The following LRRC4C variants were observed in gnomAD, a reference collection of about 807,000 sequenced individuals.
LRRC4C encodes the protein leucine rich repeat containing 4C, also known as leucine-rich repeat-containing protein 4C.
In LRRC4C, 5 loss-of-function variants were observed where a neutral mutation model predicts 33.6. The ratio of observed to expected loss-of-function variants is 0.15; its 90% CI spans 0.08 to 0.31. The LOEUF (loss-of-function observed/expected upper bound fraction) is 0.31, where lower values mean the gene tolerates loss of function less well. LRRC4C is among the 10% of genes least tolerant of loss of function. The pLI is 1.00. For missense variants in LRRC4C, 560 were observed against 796.7 expected (o/e 0.70, Z 3.58); for synonymous variants, 329 against 302.0 (o/e 1.09, Z -0.93).
intron 3 of LRRC4C, among the ~76,000 whole-genome samples, chr11:40,580,992 T>A (rs2135643476): frequency 6.6e-6 from 1 of 152,392 alleles, no homozygotes; most frequent in East Asian, 1.9e-4. Flanking sequence ...AGGGTTCCAG[T>A]GAATAATTGC....
At chr11:41,423,350 C>T (rs1954935296) in intron 1 of LRRC4C, among the ~76,000 whole-genome samples, 1 of 152,018 alleles carries the variant, frequency 6.6e-6, no homozygotes, top group South Asian at 2.1e-4. Context: ...AAAACTTGAA[C>T]TTTATTCTGT....
chr11:40,917,981 A>G (rs990513031), intron 2 of LRRC4C, among the ~76,000 whole-genome samples: 1 of 152,268 alleles, frequency 6.6e-6, no homozygotes, highest in South Asian at 2.1e-4. Context: ...CATAGCAGCA[A>G]GGTATTATGC....
At chr11:41,322,350 A>G (rs1394553995) in intron 1 of LRRC4C, among the ~76,000 whole-genome samples, 1 of 151,632 alleles carries the variant, frequency 6.6e-6, no homozygotes, top group East Asian at 1.9e-4. Flanking sequence ...GTATAGGTTT[A>G]CCCTCTGCAA....
intron 2 of LRRC4C, among the ~76,000 whole-genome samples, chr11:40,765,258 AT>A (rs1331027450): frequency 6.6e-6 from 1 of 152,112 alleles, no homozygotes; most frequent in African/African-American, 2.4e-5. Context: ...ATTGTGAGTT[AT>A]CACAAGTTGT....
chr11:40,417,317 A>G (rs184876946), intron 3 of LRRC4C, among the ~76,000 whole-genome samples: 225 of 127,446 alleles, frequency 1.8e-3, no homozygotes, highest in African/African-American at 5.7e-3. Flanking sequence ...TATGAGAGAC[A>G]TGATTTTTTT....
chr11:40,178,195 A>G (rs1860676082), intron 5 of LRRC4C, among the ~76,000 whole-genome samples: 1 of 152,218 alleles, frequency 6.6e-6, no homozygotes, highest in South Asian at 2.1e-4. Flanking sequence ...AAAGAGAAAT[A>G]AAGCGAGCTT....
intron 6 of LRRC4C, among the ~76,000 whole-genome samples, chr11:40,119,494 G>A (rs1380751732): frequency 6.6e-6 from 1 of 152,012 alleles, no homozygotes; most frequent in East Asian, 1.9e-4. Context: ...TCAGCCTGTG[G>A]ACTCTGTGAG....
intron 1 of LRRC4C, among the ~76,000 whole-genome samples, chr11:40,962,541 C>T (rs1439094266): frequency 2.0e-5 from 3 of 151,644 alleles, no homozygotes; most frequent in African/African-American, 7.3e-5. Context: ...AACTTAAATA[C>T]GGATAAAATC....
At chr11:40,588,443 A>G (rs1958868791) in intron 3 of LRRC4C, among the ~76,000 whole-genome samples, 1 of 151,630 alleles carries the variant, frequency 6.6e-6, no homozygotes, top group Non-Finnish European at 1.5e-5. Context: ...GGATTCATTA[A>G]TTTTTTGAAG....
intron 1 of LRRC4C, among the ~76,000 whole-genome samples, chr11:41,450,425 T>C (rs530130490): frequency 3.3e-5 from 5 of 152,216 alleles, no homozygotes; most frequent in South Asian, 4.1e-4. Context: ...TAAAAGGTAA[T>C]AGAAAAAAGT....
intron 3 of LRRC4C, among the ~76,000 whole-genome samples, chr11:40,550,275 A>G (rs1469240989): frequency 1.3e-5 from 2 of 152,088 alleles, no homozygotes; most frequent in Non-Finnish European, 2.9e-5. Context: ...TCTCCCTTAA[A>G]TGGTATCCTT....
At chr11:40,481,041 T>C (rs1399787586) in intron 3 of LRRC4C, among the ~76,000 whole-genome samples, 2 of 150,454 alleles carry the variant, frequency 1.3e-5, no homozygotes, top group South Asian at 2.1e-4. Flanking sequence ...CACTATATTA[T>C]AGAAATAAAA....
chr11:41,362,470 G>T (rs1952389685), intron 1 of LRRC4C, among the ~76,000 whole-genome samples: 1 of 152,062 alleles, frequency 6.6e-6, no homozygotes, highest in African/African-American at 2.4e-5. Flanking sequence ...TCTTTTTGAT[G>T]ATACCTAACA....
At chr11:41,014,532 T>G (rs117725929) in intron 1 of LRRC4C, among the ~76,000 whole-genome samples, 1,627 of 151,754 alleles carry the variant, frequency 0.011, 23 homozygotes, top group Non-Finnish European at 0.014. Flanking sequence ...AGGTTTTTAT[T>G]GGATACCATG....
At chr11:41,320,845 T>G (rs1399180027) in intron 1 of LRRC4C, among the ~76,000 whole-genome samples, 1 of 152,114 alleles carries the variant, frequency 6.6e-6, no homozygotes, top group African/African-American at 2.4e-5. Context: ...AGAATCTACC[T>G]CCCAACACAT....
intron 1 of LRRC4C, among the ~76,000 whole-genome samples, chr11:40,981,925 T>C (rs1852571713): frequency 6.6e-6 from 1 of 152,194 alleles, no homozygotes; most frequent in South Asian, 2.1e-4. Flanking sequence ...GCCTTAAAGA[T>C]TAATATCTAT....
chr11:40,346,713 T>A (rs1947149866), intron 3 of LRRC4C, among the ~76,000 whole-genome samples: 1 of 152,286 alleles, frequency 6.6e-6, no homozygotes, highest in East Asian at 1.9e-4. Context: ...AAACGTTTTT[T>A]TAAAAGCAAA....
intron 2 of LRRC4C, among the ~76,000 whole-genome samples, chr11:40,857,141 C>G (rs1457043769): frequency 2.0e-5 from 3 of 152,148 alleles, no homozygotes; most frequent in Non-Finnish European, 4.4e-5. Flanking sequence ...AGACACAATG[C>G]CTTGCAATGG....
chr11:40,626,489 G>A (rs1962942736), intron 3 of LRRC4C, among the ~76,000 whole-genome samples: 1 of 151,978 alleles, frequency 6.6e-6, no homozygotes. Context: ...GCTTCACATA[G>A]CACAGACTTT....
Sources: gnomAD v4.1 joint callset for allele counts (sites outside exome capture counted in the v4.1 genomes callset) on GRCh38, gnomAD v4.1.1 for gene constraint, MANE v1.5 for transcripts, NCBI Gene and HGNC (gene_info 2026-07-23, HGNC 2026-07-21) for gene names.